LRP1B: variants seen among roughly 807,000 people sequenced by gnomAD.
The protein encoded by LRP1B is LDL receptor related protein 1B.
LRP1B carries 217 observed loss-of-function variants against 556.6 expected under a neutral mutation model. The ratio of observed to expected loss-of-function variants is 0.39; its 90% CI spans 0.35 to 0.44. The LOEUF (loss-of-function observed/expected upper bound fraction) is 0.44. Ranked by LOEUF, LRP1B falls within the 20% of genes least tolerant of loss-of-function variation. The pLI is 1.00. For synonymous variants in LRP1B, 2,047 were observed against 1,865.8 expected (o/e 1.10, Z -2.50); for missense variants, 5,053 against 5,620.8 (o/e 0.90, Z 3.23).
chr2:141,441,931 A>G (rs1269736599), intron 3 of LRP1B, among the ~76,000 whole-genome samples: 1 of 152,186 alleles, frequency 6.6e-6, no homozygotes. Flanking sequence ...CAATCTATAA[A>G]TTTTATTCTG....
chr2:140,945,306 A>T (rs1018139676), intron 20 of LRP1B, among the ~76,000 whole-genome samples: 2 of 152,218 alleles, frequency 1.3e-5, no homozygotes, highest in South Asian at 4.1e-4. Context: ...CAATCCACAG[A>T]TTCAACACCA....
chr2:140,534,817 C>A (rs984529354), intron 46 of LRP1B, among the ~76,000 whole-genome samples: 2 of 152,110 alleles, frequency 1.3e-5, no homozygotes, highest in Non-Finnish European at 2.9e-5. Context: ...TAAACACTTG[C>A]TGGTTTCATG....
At chr2:141,014,217 C>G (rs1697837739) in intron 13 of LRP1B, among the ~76,000 whole-genome samples, 1 of 152,024 alleles carries the variant, frequency 6.6e-6, no homozygotes, top group African/African-American at 2.4e-5. Context: ...AAGGATCCTC[C>G]TACTTTAATT....
intron 75 of LRP1B, among the ~76,000 whole-genome samples, chr2:140,354,117 C>G (rs1682099910): frequency 6.6e-6 from 1 of 152,164 alleles, no homozygotes; most frequent in Non-Finnish European, 1.5e-5. Context: ...TCTTTTCCTC[C>G]TCTACTTTTG....
chr2:141,270,083 C>T (rs2714201), intron 3 of LRP1B, among the ~76,000 whole-genome samples: 6,877 of 152,086 alleles, frequency 0.045, 168 homozygotes, highest in South Asian at 0.1. Context: ...AAAAAGAACT[C>T]CTGCAAGTCA....
intron 1 of LRP1B, among the ~76,000 whole-genome samples, chr2:141,965,734 C>A: frequency 8.8e-6 from 1 of 114,014 alleles, no homozygotes; most frequent in South Asian, 2.8e-4. Flanking sequence ...TACCCTAAAA[C>A]TTAAAGTAGA....
intron 7 of LRP1B, among the ~76,000 whole-genome samples, chr2:141,094,528 AG>A (rs1700247347): frequency 6.6e-6 from 1 of 152,164 alleles, no homozygotes; most frequent in Admixed American, 6.5e-5. Flanking sequence ...CACGAGCAGG[AG>A]ACCAGCAGCT....
chr2:141,614,875 C>T (rs1688238476), intron 2 of LRP1B, among the ~76,000 whole-genome samples: 1 of 152,280 alleles, frequency 6.6e-6, no homozygotes, highest in East Asian at 1.9e-4. Flanking sequence ...CCCTAGCAAA[C>T]TAATATAAAT....
At chr2:140,633,921 A>C (rs1683983619) in intron 41 of LRP1B, among the ~76,000 whole-genome samples, 1 of 152,196 alleles carries the variant, frequency 6.6e-6, no homozygotes, top group Non-Finnish European at 1.5e-5. Context: ...AAAATAGTGA[A>C]GAAAATACTG....
chr2:142,024,871 A>T (rs912678170), intron 1 of LRP1B, among the ~76,000 whole-genome samples: 1 of 152,032 alleles, frequency 6.6e-6, no homozygotes, highest in African/African-American at 2.4e-5. Flanking sequence ...CTTCCATTTG[A>T]TTATTCAAAA....
chr2:140,811,558 T>G (rs1690926297), intron 32 of LRP1B, among the ~76,000 whole-genome samples: 1 of 152,162 alleles, frequency 6.6e-6, no homozygotes, highest in African/African-American at 2.4e-5. Context: ...TTATGCTATT[T>G]GATAGTTTGG....
intron 29 of LRP1B, among the ~76,000 whole-genome samples, chr2:140,843,072 TTTTTTTTTGTTTGTTTTTTTTTTTTTTG>T (rs1559151557): frequency 0.18 from 6,111 of 33,868 alleles, 431 homozygotes; most frequent in Non-Finnish European, 0.26. Context: ...TTTTTGTTTT[TTTTTTTTTGTTTGTTTTTTTTTTTTTTG>T]TTTTTTTTTT....
At chr2:140,303,636 TATAAAAAATATTATTTTTTA>T (rs1488360639) in intron 83 of LRP1B, among the ~76,000 whole-genome samples, 1 of 152,122 alleles carries the variant, frequency 6.6e-6, no homozygotes, top group African/African-American at 2.4e-5. Context: ...ACTAATCTTC[TATAAAAAATATTATTTTTTA>T]ATAAAAAATC....
chr2:140,800,336 A>G (rs1226647879), intron 32 of LRP1B, among the ~76,000 whole-genome samples: 3 of 152,150 alleles, frequency 2.0e-5, no homozygotes, highest in African/African-American at 4.8e-5. Context: ...AACATGGCAC[A>G]TGTATATATA....
intron 3 of LRP1B, among the ~76,000 whole-genome samples, chr2:141,433,020 T>G (rs1420426984): frequency 1.3e-5 from 2 of 152,070 alleles, no homozygotes; most frequent in African/African-American, 4.8e-5. Flanking sequence ...CTTAATATTG[T>G]ATAGGTATAT....
intron 31 of LRP1B, among the ~76,000 whole-genome samples, chr2:140,836,139 G>C (rs902878450): frequency 6.6e-6 from 1 of 152,040 alleles, no homozygotes; most frequent in Non-Finnish European, 1.5e-5. Context: ...ATGATTTAAT[G>C]TACTTTCTTG....
At chr2:141,585,405 G>A (rs1055304311) in intron 2 of LRP1B, among the ~76,000 whole-genome samples, 7 of 150,842 alleles carry the variant, frequency 4.6e-5, no homozygotes, top group African/African-American at 1.7e-4. Context: ...AAGTGCTTGT[G>A]AGTGTCCTGA....
intron 1 of LRP1B, among the ~76,000 whole-genome samples, chr2:142,091,544 G>A (rs1011930501): frequency 2.6e-5 from 4 of 152,120 alleles, no homozygotes; most frequent in African/African-American, 7.2e-5. Context: ...TTAAAGATGT[G>A]AGTGAAATCA....
At chr2:141,523,858 C>A (rs1163165114) in intron 2 of LRP1B, among the ~76,000 whole-genome samples, 1 of 152,114 alleles carries the variant, frequency 6.6e-6, no homozygotes, top group Non-Finnish European at 1.5e-5. Context: ...GGATTCTTTT[C>A]GAAATTTAGC....
Sources: gnomAD v4.1 joint callset for allele counts (sites outside exome capture counted in the v4.1 genomes callset) on GRCh38, gnomAD v4.1.1 for gene constraint, MANE v1.5 for transcripts, NCBI Gene and HGNC (gene_info 2026-07-23, HGNC 2026-07-21) for gene names.